PCSK2: variants seen among roughly 807,000 people sequenced by gnomAD.
PCSK2 encodes proprotein convertase subtilisin/kexin type 2.
In PCSK2, 14 loss-of-function variants were observed where a neutral mutation model predicts 69.7. That is an observed-to-expected ratio of 0.20 (90% CI 0.13 to 0.31). The LOEUF is 0.31. Ranked by LOEUF, PCSK2 falls within the 10% of genes least tolerant of loss-of-function variation. The pLI, the probability that PCSK2 is intolerant of heterozygous loss-of-function variation, is 1.00. For synonymous variants in PCSK2, 307 were observed against 320.7 expected, an observed-to-expected ratio of 0.96 and a Z score of 0.46; for missense variants, 544 against 842.5, an observed-to-expected ratio of 0.65 and a Z score of 4.39.
intron 2 of PCSK2, among the ~76,000 whole-genome samples, chr20:17,296,309 A>G (rs2123077180): frequency 1.3e-5 from 2 of 152,370 alleles, no homozygotes; most frequent in South Asian, 4.1e-4. Flanking sequence ...TTAATCAGCT[A>G]CATAAATTGA....
chr20:17,245,052 C>A (rs538280507), intron 1 of PCSK2, among the ~76,000 whole-genome samples: 2 of 152,228 alleles, frequency 1.3e-5, no homozygotes, highest in African/African-American at 4.8e-5. Flanking sequence ...CTCTAGGCAC[C>A]CATGACCTCA....
intron 1 of PCSK2, among the ~76,000 whole-genome samples, chr20:17,227,955 C>A (rs1312999538): frequency 6.6e-6 from 1 of 152,174 alleles, no homozygotes; most frequent in Non-Finnish European, 1.5e-5. Context: ...TTCTCCCACC[C>A]CGCGCCGGGA....
Position 17,271,629 on chromosome 20 carries a change from A to G in PCSK2, c.282+11285A>G, listed in dbSNP as rs115552758. On this transcript the variant is annotated intron_variant, in intron 2 of 11. Transcript: ENST00000262545. Reference sequence around the variant, plus strand: ...CAGAGAGTGGTGGGGACTGTGGTGAACCTGAGTGTACACACCCTCTTAAAA... The same window carrying G: ...CAGAGAGTGGTGGGGACTGTGGTGAGCCTGAGTGTACACACCCTCTTAAAA... Among the ~76,000 whole-genome samples, 1,376 of 152,128 alleles carry G rather than the reference A, an allele frequency of 9.0e-3. 21 individuals are homozygous for G. The highest frequency in any genetic ancestry group is 0.029 in the African/African-American group (1,225 of 41,540).
chr20:17,307,561 G>T (rs192813732), intron 2 of PCSK2, among the ~76,000 whole-genome samples: 3 of 152,112 alleles, frequency 2.0e-5, no homozygotes, highest in African/African-American at 4.8e-5. Flanking sequence ...TCAACTATCC[G>T]CGTTTTTACA....
At chr20:17,450,879 T>C (rs753333384) in intron 8 of PCSK2, among the ~76,000 whole-genome samples, 2 of 152,110 alleles carry the variant, frequency 1.3e-5, no homozygotes, top group Non-Finnish European at 2.9e-5. Flanking sequence ...AATATATGAA[T>C]TTGGGGGGGA....
chr20:17,306,826 A>G (rs1244347541), intron 2 of PCSK2, among the ~76,000 whole-genome samples: 1 of 152,204 alleles, frequency 6.6e-6, no homozygotes, highest in African/African-American at 2.4e-5. Context: ...AATAGATGTC[A>G]GACCTAATCA....
intron 8 of PCSK2, among the ~76,000 whole-genome samples, chr20:17,443,175 G>C (rs2032631715): frequency 6.6e-6 from 1 of 152,196 alleles, no homozygotes; most frequent in Non-Finnish European, 1.5e-5. Flanking sequence ...CATGGTGACA[G>C]CAGCTAAATG....
At chr20:17,377,510 G>A (rs769994252) in intron 5 of PCSK2, among the ~76,000 whole-genome samples, 8 of 152,340 alleles carry the variant, frequency 5.3e-5, no homozygotes, top group Middle Eastern at 3.4e-3. Flanking sequence ...ACTCAGCCCC[G>A]AATGACTCAG....
intron 8 of PCSK2, among the ~76,000 whole-genome samples, chr20:17,452,280 G>T (rs929297683): frequency 5.3e-5 from 8 of 151,992 alleles, no homozygotes; most frequent in African/African-American, 1.9e-4. Context: ...TCGCTGTCCT[G>T]GTTTCTGAGA....
chr20:17,342,584 C>G (rs937942407), intron 2 of PCSK2, among the ~76,000 whole-genome samples: 1 of 152,024 alleles, frequency 6.6e-6, no homozygotes, highest in Admixed American at 6.6e-5. Flanking sequence ...TTCCAAAGTG[C>G]TGGGATTACA....
intron 1 of PCSK2, among the ~76,000 whole-genome samples, chr20:17,241,036 G>A (rs974030768): frequency 3.9e-5 from 6 of 152,166 alleles, no homozygotes; most frequent in South Asian, 4.1e-4. Flanking sequence ...TCTAGGATCA[G>A]TTCGCGCTGA....
chr20:17,458,993 G>A (rs568293124), intron 10 of PCSK2, among the ~76,000 whole-genome samples: 1 of 152,270 alleles, frequency 6.6e-6, no homozygotes, highest in Admixed American at 6.5e-5. Context: ...TCGAGGGGTA[G>A]ATGTCATAAG....
chr20:17,404,366 T>C (rs2031708628), intron 5 of PCSK2, among the ~76,000 whole-genome samples: 1 of 152,218 alleles, frequency 6.6e-6, no homozygotes, highest in Non-Finnish European at 1.5e-5. Context: ...AAGGGCAGTG[T>C]TCTAACCTTG....
At chr20:17,360,782 C>A in intron 4 of PCSK2, 142 bp downstream of exon 4, 1 of 575,546 alleles carries the variant, frequency 1.7e-6, no homozygotes. Flanking sequence ...GCACTGTGCC[C>A]AGATCTTCAC....
intron 1 of PCSK2, among the ~76,000 whole-genome samples, chr20:17,229,122 T>G (rs1277526219): frequency 6.6e-6 from 1 of 152,106 alleles, no homozygotes; most frequent in African/African-American, 2.4e-5. Context: ...GCTTACGTGC[T>G]GGAGTCCTTA....
At chr20:17,402,547 G>A (rs1328085531) in intron 5 of PCSK2, among the ~76,000 whole-genome samples, 3 of 151,832 alleles carry the variant, frequency 2.0e-5, no homozygotes, top group Admixed American at 6.6e-5. Context: ...TGTAATCCCA[G>A]CTACTCAGGA....
intron 1 of PCSK2, among the ~76,000 whole-genome samples, chr20:17,238,476 G>A (rs1399522824): frequency 1.3e-5 from 2 of 152,152 alleles, no homozygotes; most frequent in African/African-American, 4.8e-5. Context: ...TTTAATAAAT[G>A]AAGGAAATAA....
At chr20:17,301,105 A>G (rs1989065319) in intron 2 of PCSK2, among the ~76,000 whole-genome samples, 1 of 152,186 alleles carries the variant, frequency 6.6e-6, no homozygotes, top group Non-Finnish European at 1.5e-5. Context: ...CAATTTAGAA[A>G]GCAAGACACT....
chr20:17,425,350 T>A (rs986535075), intron 6 of PCSK2, among the ~76,000 whole-genome samples: 1 of 152,124 alleles, frequency 6.6e-6, no homozygotes, highest in African/African-American at 2.4e-5. Flanking sequence ...AAGTCCATCA[T>A]GCACCCTGCA....
Sources: gnomAD v4.1 joint callset for allele counts (sites outside exome capture counted in the v4.1 genomes callset) on GRCh38, gnomAD v4.1.1 for gene constraint, MANE v1.5 for transcripts, NCBI Gene and HGNC (gene_info 2026-07-23, HGNC 2026-07-21) for gene names.